PTPN23: variants seen among roughly 807,000 people sequenced by gnomAD.
The protein encoded by PTPN23 is tyrosine-protein phosphatase non-receptor type 23.
Under a neutral mutation model 156.3 loss-of-function variants are expected in PTPN23, and 72 were observed. The observed-to-expected ratio is 0.46, with a 90% CI of 0.38 to 0.56. The LOEUF (loss-of-function observed/expected upper bound fraction) is 0.56, where lower values mean the gene tolerates loss of function less well. Ranked by LOEUF, PTPN23 falls within the 20% of genes least tolerant of loss-of-function variation. The pLI, the probability that PTPN23 is intolerant of heterozygous loss-of-function variation, is 0.00. For missense variants in PTPN23, 1,974 were observed against 2,171.5 expected (o/e 0.91, Z 1.81); for synonymous variants, 957 against 899.6 (o/e 1.06, Z -1.14).
Position 47,410,559 on chromosome 3 carries a change from C to A in PTPN23, c.2761C>A (p.Pro921Thr), listed in dbSNP as rs1705252701. The change falls in exon 20 of 25, where the codon CCT (proline) becomes ACT (threonine). Residue 921 changes from proline to threonine, a missense_variant. Pro to Thr is a conservative substitution (Grantham distance 38, BLOSUM62 -1). Transcript: ENST00000265562. Reference sequence around the variant, plus strand: ...GCCCCCACCGCAGCCACTGCCCACGCCTTACACCTACCCTGCAGGGGCTAA... The same window carrying A: ...GCCCCCACCGCAGCCACTGCCCACGACTTACACCTACCCTGCAGGGGCTAA... ...PVPPPQPLPT[P>T]YTYPAGAKQP... 1 of 1,612,278 alleles carries A rather than the reference C, an allele frequency of 6.2e-7. No homozygotes were observed. Among genetic ancestry groups the A allele is most frequent in the Non-Finnish European group, 8.5e-7 (1 of 1,179,500 alleles).
At position 47,411,051 on chromosome 3, in the gene PTPN23, G is replaced by A. The variant is rs1705272879; in HGVS notation, c.3253G>A (p.Val1085Met). The A allele has an allele frequency of 6.3e-7, 1 of 1,585,392 alleles. No individual in the cohort carries two copies. Residue 1085 changes from valine (V) to methionine (M), a missense_variant, in exon 20 of 25, where the codon GTG (valine) becomes ATG (methionine). By Grantham distance (21) the Val-to-Met change is conservative. Transcript: ENST00000265562. The surrounding 1 kb of genome is among the most constrained non-coding windows in gnomAD (Gnocchi z 6.3). ...AGQSTPSPHLVPSPAPSPGPG... is the reference protein window; with the variant it reads ...AGQSTPSPHLMPSPAPSPGPG... The stretch of plus-strand genomic sequence containing the variant: ...CCAGTCCACCCCTAGTCCCCACCTG[G>A]TGCCTTCACCTGCCCCATCTCCAGG...
At position 47,409,185 on chromosome 3, in the gene PTPN23, C is replaced by G. The variant is rs1209593538; in HGVS notation, c.1665C>G (p.Asn555Lys). The change falls in exon 17 of 25, where the codon AAC becomes AAG. Residue 555 changes from asparagine (N) to lysine (K), a missense_variant. Physicochemically the swap from Asn to Lys is moderately conservative, Grantham distance 94. This residue lies in a region of PTPN23 where 726 missense variants were observed against 929.5 expected (regional missense o/e 0.78). Transcript: ENST00000265562. Reference sequence around the variant, plus strand: ...CAGAGGACAAGGCCGTGCTGCAAAACCTAAAGCGCATCCTGGCTAAGGTGC... The same window carrying G: ...CAGAGGACAAGGCCGTGCTGCAAAAGCTAAAGCGCATCCTGGCTAAGGTGC... ...LSPEDKAVLQ[N>K]LKRILAKVQE... 5 of 1,614,008 alleles carry G rather than the reference C, an allele frequency of 3.1e-6. No individual in the cohort carries two copies. Among genetic ancestry groups the G allele is most frequent in the Non-Finnish European group, 4.2e-6 (5 of 1,180,006 alleles).
At chr3:47,399,715 T>TCTGAGCCAGGTGA (rs1704953244) in intron 2 of PTPN23, among the ~76,000 whole-genome samples, 1 of 152,180 alleles carries the variant, frequency 6.6e-6, no homozygotes, top group Non-Finnish European at 1.5e-5. Context: ...GCTTTTCCAG[T>TCTGAGCCAGGTGA]GCGAAAAAAG....
Position 47,412,689 on chromosome 3 carries a change from TCA to T in PTPN23, c.4432-15_4432-14del, listed in dbSNP as rs1172528125. ...CAGCCTTGGGACTCCCTCTCCTCAC[TCA>T]CTCTGTCTTCTCAGAACCACCTTCC... On this transcript the variant is annotated splice_polypyrimidine_tract_variant and intron_variant, in intron 24 of 24. Transcript: ENST00000265562. 1 of 1,597,922 alleles carries T rather than the reference TCA, an allele frequency of 6.3e-7. No homozygotes were observed. Among genetic ancestry groups the T allele is most frequent in the Admixed American group, 1.7e-5 (1 of 59,316 alleles).
rs1442483432 is a variant in PTPN23 at position 47,412,540 on chromosome 3, A to T, written c.4344A>T (p.Ala1448=). 1 of 1,613,562 alleles carries T rather than the reference A, an allele frequency of 6.2e-7. No homozygotes were observed. The highest frequency in any genetic ancestry group is 2.2e-5 in the East Asian group (1 of 44,880). Residue 1448 remains alanine, a synonymous_variant, in exon 24 of 25, where the codon GCA becomes GCT. Coordinates refer to ENST00000265562, the MANE Select transcript of PTPN23 (RefSeq NM_015466.4). ...TGCACCTCAGGTTCTGCTATGAGGC[A>T]GTGGTGAGACACGTGGAGCAGGTCC... ...EKLHLRFCYE[A]VVRHVEQVLQ...
intron 1 of PTPN23, among the ~76,000 whole-genome samples, chr3:47,392,644 A>G (rs1704799211): frequency 6.6e-6 from 1 of 152,134 alleles, no homozygotes; most frequent in Non-Finnish European, 1.5e-5. Flanking sequence ...ATGTTTGTGC[A>G]TAGTTGAAAA....
intron 14 of PTPN23, 47 bp downstream of exon 14, chr3:47,408,002 C>CG: frequency 5.0e-6 from 8 of 1,595,730 alleles, no homozygotes; most frequent in Non-Finnish European, 6.8e-6. Flanking sequence ...CAGCACTTCC[C>CG]GGGCCTCTGG....
chr3:47,412,624 G>A lies in PTPN23; in HGVS notation c.4428G>A (p.Gln1476=). 1 of 1,612,528 alleles carries A rather than the reference G, an allele frequency of 6.2e-7. No individual in the cohort carries two copies. The highest frequency in any genetic ancestry group is 8.5e-7 in the Non-Finnish European group (1 of 1,179,248). ...CKPLASASIS[Q]KNHLPQDSQD... ...CCTTGGCCAGTGCAAGCATCAGCCA[G>A]AAGGTGAGGAAGGTTCCGTGGAAGC... Residue 1476 remains glutamine, a synonymous_variant, in exon 24 of 25, where the codon CAG becomes CAA. Transcript: ENST00000265562.
In PTPN23 at chr3:47,412,103, C is replaced by A. The variant is rs200311135; in HGVS notation, c.4083C>A (p.Pro1361=). 73 of 1,612,930 alleles carry A rather than the reference C, an allele frequency of 4.5e-5. No homozygotes were observed. In the Middle Eastern group the frequency reaches 6.6e-4, roughly 15 times the overall value. ...CCATCCTGTCCCACAGAGGCCTGCC[C>A]GACAGCCCCAGCAACTTGCTGCGCT... ...HFPTWPELGL[P]DSPSNLLRFI... The change falls in exon 22 of 25, where the codon CCC becomes CCA. Residue 1361 remains proline (P), a synonymous_variant. Coordinates refer to ENST00000265562, the MANE Select transcript of PTPN23 (RefSeq NM_015466.4).
Position 47,411,082 on chromosome 3 carries a change from G to C in PTPN23, c.3284G>C (p.Gly1095Ala), listed in dbSNP as rs138127717. The C allele has an allele frequency of 1.5e-4, 231 of 1,589,790 alleles. 1 individual carries two copies. The African/African-American group carries it at 2.7e-3, about 18-fold the overall frequency. The change falls in exon 20 of 25, where the codon GGT becomes GCT. Residue 1095 changes from glycine (G) to alanine (A), a missense_variant. This residue lies in a region of PTPN23 where 731 missense variants were observed against 669.1 expected (regional missense o/e 1.09). Coordinates refer to ENST00000265562, the MANE Select transcript of PTPN23 (RefSeq NM_015466.4). This position sits in a 1 kb window ranked among gnomAD's most constrained non-coding sequence, Gnocchi z 6.3. ...TCACCTGCCCCATCTCCAGGGCCTG[G>C]TCCGGTACCCCCTCGCCCCCCAGCA... ...VPSPAPSPGP[G>A]PVPPRPPAAE...
chr3:47,408,206 G>C (rs1344789793), intron 14 of PTPN23, 139 bp from the exon 15 acceptor site: 1 of 1,230,698 alleles, frequency 8.1e-7, no homozygotes, highest in African/African-American at 1.5e-5. Flanking sequence ...GGCCAGACCT[G>C]GTAGTAGGGG....
intron 2 of PTPN23, among the ~76,000 whole-genome samples, chr3:47,401,234 T>C (rs1033050622): frequency 6.6e-6 from 1 of 152,114 alleles, no homozygotes; most frequent in African/African-American, 2.4e-5. Context: ...GGTCTCACTC[T>C]GTTGCCCAGG....
At position 47,411,718 on chromosome 3, in the gene PTPN23, A is replaced by G. The variant is rs767828375; in HGVS notation, c.3888+32A>G. On this transcript the variant is annotated intron_variant, in intron 20 of 24. Coordinates refer to ENST00000265562, the MANE Select transcript of PTPN23 (RefSeq NM_015466.4). The surrounding 1 kb of genome is among the most constrained non-coding windows in gnomAD (Gnocchi z 6.3). ...AGAGGGGGTGGGTGCCCACGAGGGCAGTGTGGGGTGGCAGGGCAGGGGATC... is the reference window on the plus strand; with the variant it reads ...AGAGGGGGTGGGTGCCCACGAGGGCGGTGTGGGGTGGCAGGGCAGGGGATC... 4.4e-6 allele frequency: 7 copies of G among 1,594,406 alleles called. No individual in the cohort carries two copies. In the Admixed American group the frequency reaches 1.2e-4, roughly 27 times the overall value.
chr3:47,401,518 A>G (rs532716283), intron 2 of PTPN23, among the ~76,000 whole-genome samples: 26 of 152,314 alleles, frequency 1.7e-4, no homozygotes, highest in African/African-American at 4.3e-4. Context: ...AGATTTTTCA[A>G]TACTTTTATA....
Position 47,381,079 on chromosome 3 carries a change from C to G in PTPN23, c.-18C>G. On this transcript the variant is annotated 5_prime_UTR_variant, in exon 1 of 25. Transcript: ENST00000265562. The stretch of plus-strand genomic sequence containing the variant: ...GCAGCTACGGGAGTGGCCGGGTGGC[C>G]GGCGGGTGCCAGCCGCCATGGAGGC... The G allele has an allele frequency of 6.4e-7, 1 of 1,559,144 alleles. No individual in the cohort carries two copies. Among genetic ancestry groups the G allele is most frequent in the South Asian group, 1.2e-5 (1 of 84,774 alleles).
chr3:47,406,138 G>A lies in PTPN23; in HGVS notation c.546+92G>A, dbSNP rs1705117608. ...TGGGCCTGGATCCTGGACCAAGGCA[G>A]TGAGGGACAAGCAAGGGGCCTTGGC... On this transcript the variant is annotated intron_variant, in intron 6 of 24. Coordinates refer to ENST00000265562, the MANE Select transcript of PTPN23 (RefSeq NM_015466.4). This position sits in a 1 kb window ranked among gnomAD's most constrained non-coding sequence, Gnocchi z 5.8. The A allele has an allele frequency of 4.5e-6, 7 of 1,540,798 alleles. No homozygotes were observed. The Admixed American group carries it at 1.2e-4, about 26-fold the overall frequency.
chr3:47,381,564 T>G (rs1390987807), intron 1 of PTPN23, among the ~76,000 whole-genome samples: 2 of 152,124 alleles, frequency 1.3e-5, no homozygotes, highest in Non-Finnish European at 2.9e-5. Context: ...GCGGATTCTT[T>G]TGCTGCGCCC....
chr3:47,409,275 C>T lies in PTPN23; in HGVS notation c.1755C>T (p.Asp585=). 1 of 1,614,150 alleles carries T rather than the reference C, an allele frequency of 6.2e-7. No individual in the cohort carries two copies. Among genetic ancestry groups the T allele is most frequent in the Non-Finnish European group, 8.5e-7 (1 of 1,180,038 alleles). ...QQLRELIQKD[D]ITASLVTTDH... ...TGCGTGAGCTTATCCAGAAAGATGA[C>T]ATCACTGCCTCGCTGGTCACCACAG... Residue 585 remains aspartate, a synonymous_variant, in exon 17 of 25, where the codon GAC becomes GAT. Coordinates refer to ENST00000265562, the MANE Select transcript of PTPN23 (RefSeq NM_015466.4).
chr3:47,386,560 T>G (rs950311826), intron 1 of PTPN23, among the ~76,000 whole-genome samples: 2 of 152,194 alleles, frequency 1.3e-5, no homozygotes, highest in African/African-American at 4.8e-5. Context: ...TTTTTTCCCC[T>G]TCCAGATTTT....
Sources: allele counts gnomAD v4.1 joint callset (sites outside exome capture counted in the v4.1 genomes callset), GRCh38; gene constraint gnomAD v4.1.1; regional missense constraint gnomAD v4.1.1; non-coding constraint Gnocchi (gnomAD v3.1); transcripts MANE v1.5; gene names NCBI Gene and HGNC (gene_info 2026-07-23, HGNC 2026-07-21).